STRBP: variants seen among roughly 807,000 people sequenced by gnomAD.
The protein encoded by STRBP is spermatid perinuclear RNA binding protein.
A neutral mutation model predicts 80.1 loss-of-function variants in STRBP; 13 were observed. That is an observed-to-expected ratio of 0.16 (90% CI 0.11 to 0.26). The LOEUF (loss-of-function observed/expected upper bound fraction) is 0.26. Ranked by LOEUF, STRBP falls within the 10% of genes least tolerant of loss-of-function variation. The pLI, the probability that STRBP is intolerant of heterozygous loss-of-function variation, is 1.00. For missense variants in STRBP, 485 were observed against 815.2 expected, an observed-to-expected ratio of 0.59 and a Z score of 4.93; for synonymous variants, 284 against 291.2, an observed-to-expected ratio of 0.98 and a Z score of 0.25.
At chr9:123,198,518 G>A (rs920557819) in intron 2 of STRBP, among the ~76,000 whole-genome samples, 3 of 152,036 alleles carry the variant, frequency 2.0e-5, no homozygotes, top group African/African-American at 7.2e-5. Context: ...TTGGTTGGAC[G>A]CGTAGTTTGA....
chr9:123,259,388 C>T (rs1475796397), intron 1 of STRBP, among the ~76,000 whole-genome samples: 1 of 152,132 alleles, frequency 6.6e-6, no homozygotes, highest in Admixed American at 6.5e-5. Context: ...CATACACAAG[C>T]CTGGAGTTCC....
chr9:123,140,657 A>G (rs888297758), intron 13 of STRBP, among the ~76,000 whole-genome samples: 2 of 152,162 alleles, frequency 1.3e-5, no homozygotes, highest in African/African-American at 4.8e-5. Context: ...CTCTAGGTTT[A>G]TTCTCTATAC....
chr9:123,132,842 T>C lies in STRBP; in HGVS notation c.1897+3A>G, dbSNP rs753720520. The C allele has an allele frequency of 3.1e-6, 5 of 1,613,996 alleles. No individual in the cohort carries two copies. Among genetic ancestry groups the C allele is most frequent in the Non-Finnish European group, 4.2e-6 (5 of 1,179,908 alleles). ...GGCCAATCTCTTGCAGTTTGTACTA[T>C]ACCTGGAGCTATGTAGCCAGGAGCA... On this transcript the variant is annotated splice_donor_region_variant and intron_variant, in intron 17 of 18. Coordinates refer to ENST00000348403, the MANE Select transcript of STRBP (RefSeq NM_018387.5).
At chr9:123,174,838 TAA>T (rs947393375) in intron 4 of STRBP, among the ~76,000 whole-genome samples, 23 of 152,224 alleles carry the variant, frequency 1.5e-4, no homozygotes, top group African/African-American at 4.3e-4. Context: ...ATTTTAATTC[TAA>T]AAGTTTCTTA....
intron 3 of STRBP, 62 bp downstream of exon 3, chr9:123,184,070 T>C (rs973732208): frequency 1.3e-6 from 2 of 1,548,382 alleles, no homozygotes; most frequent in African/African-American, 2.7e-5. Context: ...TGTTAACATT[T>C]CTAATTTTAA....
chr9:123,234,614 G>GT (rs967137999), intron 2 of STRBP, among the ~76,000 whole-genome samples: 2 of 152,078 alleles, frequency 1.3e-5, no homozygotes, highest in South Asian at 2.1e-4. Flanking sequence ...GTTTTGTTTT[G>GT]TTTTTTCAAA....
rs539227091 is a variant in STRBP, at chr9:123,191,093, A to G, written c.-164-6795T>C. Among the ~76,000 whole-genome samples, 23 of 152,344 alleles carry G rather than the reference A, an allele frequency of 1.5e-4. No homozygotes were observed. In the East Asian group the frequency reaches 4.4e-3, roughly 29 times the overall value. On this transcript the variant is annotated intron_variant, in intron 2 of 18. Transcript: ENST00000348403. ...GGGAAATAATCAAAAGACAATAAAT[A>G]TAAAAATAAGAAAATTTAGCAGTAC...
intron 2 of STRBP, among the ~76,000 whole-genome samples, chr9:123,192,238 T>C (rs2038949909): frequency 6.6e-6 from 1 of 152,122 alleles, no homozygotes; most frequent in Non-Finnish European, 1.5e-5. Flanking sequence ...TGGATTAGGA[T>C]ATAAATTTGG....
At chr9:123,196,791 T>C (rs115533986) in intron 2 of STRBP, among the ~76,000 whole-genome samples, 194 of 152,326 alleles carry the variant, frequency 1.3e-3, no homozygotes, top group African/African-American at 4.2e-3. Flanking sequence ...TTGGTAGGAA[T>C]GTAAATTAGT....
intron 6 of STRBP, among the ~76,000 whole-genome samples, chr9:123,164,295 C>T (rs2037657991): frequency 6.6e-6 from 1 of 152,150 alleles, no homozygotes; most frequent in Non-Finnish European, 1.5e-5. Context: ...GATCTGCCCA[C>T]CTCAGCCTCC....
At chr9:123,218,198 T>C (rs1401179846) in intron 2 of STRBP, among the ~76,000 whole-genome samples, 3 of 152,134 alleles carry the variant, frequency 2.0e-5, no homozygotes, top group African/African-American at 4.8e-5. Flanking sequence ...ATTCTTAGCA[T>C]AGAATGTTTT....
At chr9:123,234,987 C>CT (rs1364881130) in intron 2 of STRBP, among the ~76,000 whole-genome samples, 61 of 72,512 alleles carry the variant, frequency 8.4e-4, no homozygotes, top group African/African-American at 2.2e-3. Context: ...GTTCAACTGG[C>CT]TTTTTTTTTG....
chr9:123,161,483 C>G (rs1208622198), intron 6 of STRBP, among the ~76,000 whole-genome samples: 2 of 152,128 alleles, frequency 1.3e-5, no homozygotes, highest in Non-Finnish European at 2.9e-5. Flanking sequence ...AAATTTTAAT[C>G]TCTAACCATC....
intron 14 of STRBP, among the ~76,000 whole-genome samples, chr9:123,139,051 T>C (rs1340119808): frequency 1.3e-5 from 2 of 152,238 alleles, no homozygotes; most frequent in Admixed American, 6.5e-5. Flanking sequence ...CTGAGATACA[T>C]ACTGTGTCAG....
intron 4 of STRBP, among the ~76,000 whole-genome samples, chr9:123,174,463 G>C (rs1053371928): frequency 6.6e-6 from 1 of 152,282 alleles, no homozygotes; most frequent in Middle Eastern, 3.4e-3. Flanking sequence ...ACTTCCTTCT[G>C]TGTTAGTAGT....
rs1010634452 is a variant in STRBP at position 123,147,028 on chromosome 9, T to C, written c.1165A>G (p.Met389Val). 6.2e-7 allele frequency: 1 copy of C among 1,613,992 alleles called. No homozygotes were observed. Among genetic ancestry groups the C allele is most frequent in the East Asian group, 2.2e-5 (1 of 44,872 alleles). Residue 389 changes from methionine (M) to valine (V), a missense_variant, in exon 13 of 19, where the codon ATG (methionine) becomes GTG (valine). Met to Val is a conservative substitution (Grantham distance 21). Coordinates refer to ENST00000348403, the MANE Select transcript of STRBP (RefSeq NM_018387.5). Reference protein sequence around the residue: ...KILDSKAIDLMNALMRLNQIR... With the variant: ...KILDSKAIDLVNALMRLNQIR... ...TGATTTAGCCTCATTAGTGCATTCA[T>C]AAGGTCTATTGCTTTACTATCCAGA...
At chr9:123,212,348 G>A (rs1041255880) in intron 2 of STRBP, among the ~76,000 whole-genome samples, 1 of 152,078 alleles carries the variant, frequency 6.6e-6, no homozygotes, top group African/African-American at 2.4e-5. Flanking sequence ...AGCATTTGTC[G>A]AATGATTTTC....
chr9:123,261,587 A>G (rs1041644197), intron 1 of STRBP, among the ~76,000 whole-genome samples: 5 of 152,222 alleles, frequency 3.3e-5, no homozygotes, highest in Non-Finnish European at 7.3e-5. Flanking sequence ...ATTTACCACA[A>G]AACTGGCAGA....
At chr9:123,251,326 CT>C (rs1376087723) in intron 1 of STRBP, among the ~76,000 whole-genome samples, 34 of 152,254 alleles carry the variant, frequency 2.2e-4, no homozygotes, top group Non-Finnish European at 4.1e-4. Flanking sequence ...CTGTGCTATA[CT>C]TACATTATCC....
Sources: allele counts gnomAD v4.1 joint callset (sites outside exome capture counted in the v4.1 genomes callset), GRCh38; gene constraint gnomAD v4.1.1; transcripts MANE v1.5; gene names NCBI Gene and HGNC (gene_info 2026-07-23, HGNC 2026-07-21).